Variants in HTR1F observed in about 807,000 individuals in gnomAD.
HTR1F encodes 5-hydroxytryptamine receptor 1F.
HTR1F carries 17 observed loss-of-function variants against 24.0 expected under a neutral mutation model. The ratio of observed to expected loss-of-function variants is 0.71; its 90% CI spans 0.48 to 1.06. The LOEUF is 1.06. Among genes scored for constraint, HTR1F ranks in the 50% least tolerant of loss-of-function variants. HTR1F has a pLI of 0.00. For missense variants in HTR1F, 391 were observed against 427.8 expected (o/e 0.91, Z 0.76); for synonymous variants, 186 against 156.8 (o/e 1.19, Z -1.39).
chr3:87,989,760 C>A (rs1257055623), intron 2 of HTR1F, among the ~76,000 whole-genome samples: 2 of 152,080 alleles, frequency 1.3e-5, no homozygotes, highest in African/African-American at 4.8e-5. Flanking sequence ...GTTCCCAGAC[C>A]AAACCGAGGG....
chr3:87,944,216 C>G (rs929845442), intron 2 of HTR1F, among the ~76,000 whole-genome samples: 2 of 152,184 alleles, frequency 1.3e-5, no homozygotes, highest in Non-Finnish European at 2.9e-5. Context: ...TAGAGCTGGA[C>G]TGGGTTCCAG....
chr3:87,849,131 A>C (rs909061512), intron 2 of HTR1F, among the ~76,000 whole-genome samples: 14 of 151,726 alleles, frequency 9.2e-5, no homozygotes, highest in Non-Finnish European at 1.5e-5. Flanking sequence ...TGGAACCAAA[A>C]AAGAGCCCGC....
At chr3:87,961,802 TAA>T (rs5850819) in intron 2 of HTR1F, among the ~76,000 whole-genome samples, 244 of 142,704 alleles carry the variant, frequency 1.7e-3, no homozygotes, top group African/African-American at 4.5e-3. Flanking sequence ...TAATAAGATC[TAA>T]AAAAAAAAAA....
intron 2 of HTR1F, among the ~76,000 whole-genome samples, chr3:87,835,509 A>G (rs886175193): frequency 2.6e-5 from 4 of 152,266 alleles, no homozygotes; most frequent in South Asian, 2.1e-4. Context: ...CTGAACCCCT[A>G]TTTTCATAGT....
At chr3:87,892,981 AT>A (rs1401757167) in intron 2 of HTR1F, among the ~76,000 whole-genome samples, 10 of 152,048 alleles carry the variant, frequency 6.6e-5, no homozygotes, top group South Asian at 2.1e-4. Context: ...AAAGAAAAAA[AT>A]ATATATATGT....
intron 2 of HTR1F, among the ~76,000 whole-genome samples, chr3:87,897,608 C>G (rs1296711664): frequency 6.6e-6 from 1 of 152,146 alleles, no homozygotes; most frequent in Admixed American, 6.6e-5. Context: ...ATAGCACCCA[C>G]TATGGCATAT....
intron 2 of HTR1F, among the ~76,000 whole-genome samples, chr3:87,862,182 C>CA (rs1401419910): frequency 3.9e-5 from 6 of 152,060 alleles, no homozygotes. Context: ...TTCTGAAGTG[C>CA]AAATGTACTG....
intron 2 of HTR1F, among the ~76,000 whole-genome samples, chr3:87,925,821 A>G (rs1417389051): frequency 2.6e-5 from 4 of 152,116 alleles, no homozygotes; most frequent in Non-Finnish European, 4.4e-5. Context: ...TTTCTCTACA[A>G]TCTTGGCTTG....
intron 2 of HTR1F, among the ~76,000 whole-genome samples, chr3:87,879,979 C>T (rs1705752966): frequency 6.6e-6 from 1 of 152,020 alleles, no homozygotes; most frequent in African/African-American, 2.4e-5. Context: ...TAAAATTTAA[C>T]ATCTAAACAG....
intron 2 of HTR1F, among the ~76,000 whole-genome samples, chr3:87,879,409 C>T (rs1705739638): frequency 6.6e-6 from 1 of 152,114 alleles, no homozygotes; most frequent in Admixed American, 6.5e-5. Context: ...AGGTTATTAA[C>T]CCATTACCCT....
At chr3:87,808,779 C>T (rs1704113917) in intron 1 of HTR1F, among the ~76,000 whole-genome samples, 1 of 151,972 alleles carries the variant, frequency 6.6e-6, no homozygotes, top group South Asian at 2.1e-4. Flanking sequence ...ACTGCTTTTG[C>T]TGTATCCCAT....
intron 1 of HTR1F, among the ~76,000 whole-genome samples, chr3:87,818,243 T>C (rs931190797): frequency 6.6e-6 from 1 of 152,158 alleles, no homozygotes; most frequent in African/African-American, 2.4e-5. Flanking sequence ...ATTTACATTA[T>C]TGATACAAAT....
chr3:87,850,001 C>G (rs1229972816), intron 2 of HTR1F, among the ~76,000 whole-genome samples: 1 of 151,964 alleles, frequency 6.6e-6, no homozygotes, highest in Non-Finnish European at 1.5e-5. Flanking sequence ...CACTTTTACA[C>G]TGTTGGTGGG....
chr3:87,959,653 T>G (rs759268739), intron 2 of HTR1F, among the ~76,000 whole-genome samples: 1 of 151,874 alleles, frequency 6.6e-6, no homozygotes, highest in Admixed American at 6.6e-5. Context: ...AAAAAGTGCA[T>G]TGTTGAAAGG....
intron 2 of HTR1F, among the ~76,000 whole-genome samples, chr3:87,973,304 C>G (rs907816130): frequency 9.2e-5 from 14 of 152,150 alleles, no homozygotes; most frequent in African/African-American, 3.4e-4. Context: ...CTTTTCAATC[C>G]TCAACTGCCA....
chr3:87,945,364 C>A (rs569473539), intron 2 of HTR1F, among the ~76,000 whole-genome samples: 1 of 152,220 alleles, frequency 6.6e-6, no homozygotes, highest in South Asian at 2.1e-4. Context: ...AAAGTCTGAA[C>A]CATTAGTACC....
intron 2 of HTR1F, among the ~76,000 whole-genome samples, chr3:87,921,609 T>C (rs1194323035): frequency 2.0e-5 from 3 of 151,882 alleles, no homozygotes; most frequent in African/African-American, 7.2e-5. Context: ...TTTAGCTATT[T>C]AAAACTATAT....
intron 2 of HTR1F, among the ~76,000 whole-genome samples, chr3:87,903,323 T>G (rs1258477385): frequency 6.7e-6 from 1 of 149,958 alleles, no homozygotes; most frequent in African/African-American, 2.4e-5. Context: ...GAAACTACCA[T>G]CAGAGTGAAC....
intron 2 of HTR1F, among the ~76,000 whole-genome samples, chr3:87,914,501 G>A (rs1161998343): frequency 1.3e-5 from 2 of 152,150 alleles, no homozygotes; most frequent in Admixed American, 1.3e-4. Flanking sequence ...TGCTGTTAGA[G>A]GGGGCACGCT....
Sources: allele counts gnomAD v4.1 joint callset (sites outside exome capture counted in the v4.1 genomes callset), GRCh38; gene constraint gnomAD v4.1.1; transcripts MANE v1.5; gene names NCBI Gene and HGNC (gene_info 2026-07-23, HGNC 2026-07-21).